The following GALNT13 variants were observed in gnomAD, a reference collection of about 807,000 sequenced individuals.
GALNT13 encodes polypeptide N-acetylgalactosaminyltransferase 13, also known as UDP-GalNAc:polypeptide N-acetylgalactosaminyltransferase 13.
A neutral mutation model predicts 64.2 loss-of-function variants in GALNT13; 28 were observed. The ratio of observed to expected loss-of-function variants is 0.44; its 90% CI spans 0.32 to 0.60. The LOEUF (loss-of-function observed/expected upper bound fraction) is 0.60, where lower values mean the gene tolerates loss of function less well. GALNT13 is among the 20% of genes least tolerant of loss of function. The pLI is 0.05. For synonymous variants in GALNT13, 214 were observed against 224.6 expected (o/e 0.95, Z 0.42); for missense variants, 577 against 669.8 (o/e 0.86, Z 1.53).
the GALNT13 span, among the ~76,000 whole-genome samples, chr2:153,179,952 A>G: frequency 6.6e-6 from 1 of 152,136 alleles, no homozygotes; most frequent in Non-Finnish European, 1.5e-5. Context: ...TTTTCTAGAT[A>G]TAAGATTATG....
intron 3 of GALNT13, among the ~76,000 whole-genome samples, chr2:154,003,546 C>T (rs1306731827): frequency 6.6e-6 from 1 of 152,126 alleles, no homozygotes; most frequent in Non-Finnish European, 1.5e-5. Context: ...TTCTATCCTG[C>T]TCTCTTGCTG....
rs369919729 is a variant in GALNT13 at position 154,287,254 on chromosome 2, C to T, written c.976-14155C>T. ...AGAAGGCAGCCATCATCTTTGCCGA[C>T]GGCAACTCCAAGACAGCAGAGCTGA... On this transcript the variant is annotated intron_variant, in intron 8 of 12. Coordinates refer to ENST00000392825, the MANE Select transcript of GALNT13 (RefSeq NM_052917.4). The T allele has an allele frequency of 1.5e-4, 132 of 895,282 alleles. 1 individual carries two copies. The South Asian group carries it at 1.5e-3, about 10-fold the overall frequency. 55.5% of individuals were successfully genotyped at this position (895,282 alleles called of 1,614,324 possible). A position where few individuals can be genotyped will look rare whatever the true frequency, so the allele number is the denominator to read the frequency against.
At chr2:153,243,284 C>A in the GALNT13 span, among the ~76,000 whole-genome samples, 1 of 152,148 alleles carries the variant, frequency 6.6e-6, no homozygotes, top group African/African-American at 2.4e-5. Context: ...GATCCAGGAT[C>A]CAGGATCCAG....
intron 3 of GALNT13, among the ~76,000 whole-genome samples, chr2:154,004,118 T>TA (rs1696094008): frequency 6.6e-6 from 1 of 152,224 alleles, no homozygotes; most frequent in Non-Finnish European, 1.5e-5. Flanking sequence ...AGACTAATTC[T>TA]AATACATTTA....
intron 9 of GALNT13, among the ~76,000 whole-genome samples, chr2:154,360,876 G>T (rs984912956): frequency 1.3e-5 from 2 of 152,050 alleles, no homozygotes; most frequent in Non-Finnish European, 2.9e-5. Context: ...AGCCAAAAAG[G>T]GTTGAGGCAT....
the GALNT13 span, among the ~76,000 whole-genome samples, chr2:153,246,347 C>T: frequency 3.3e-5 from 5 of 152,026 alleles, no homozygotes; most frequent in Non-Finnish European, 7.4e-5. Flanking sequence ...CACATAGTCA[C>T]CAGGTTCTGA....
At chr2:153,691,680 A>G in the GALNT13 span, among the ~76,000 whole-genome samples, 1 of 152,170 alleles carries the variant, frequency 6.6e-6, no homozygotes, top group African/African-American at 2.4e-5. Flanking sequence ...TCTGAAAACC[A>G]CAATATGATC....
the GALNT13 span, among the ~76,000 whole-genome samples, chr2:153,464,120 A>G: frequency 6.6e-6 from 1 of 152,094 alleles, no homozygotes. Context: ...TTAGCTGGTC[A>G]CCTGGAAGCT....
the GALNT13 span, among the ~76,000 whole-genome samples, chr2:153,509,205 A>AG: frequency 6.6e-6 from 1 of 152,228 alleles, no homozygotes; most frequent in Non-Finnish European, 1.5e-5. Context: ...GCGGGGAAAC[A>AG]GGAGCTTCCA....
the GALNT13 span, among the ~76,000 whole-genome samples, chr2:153,273,297 A>G: frequency 6.6e-6 from 1 of 152,192 alleles, no homozygotes; most frequent in South Asian, 2.1e-4. Context: ...AAAATGAACC[A>G]CTGCAAAATG....
chr2:153,228,770 G>C, the GALNT13 span, among the ~76,000 whole-genome samples: 2 of 151,402 alleles, frequency 1.3e-5, no homozygotes, highest in East Asian at 3.9e-4. Context: ...CTACTAGGGA[G>C]GCTGAGGCAG....
At chr2:153,648,012 G>T in the GALNT13 span, among the ~76,000 whole-genome samples, 3 of 152,242 alleles carry the variant, frequency 2.0e-5, no homozygotes, top group Admixed American at 2.0e-4. Context: ...GAAAGTCATT[G>T]GTAGCTTGAT....
At chr2:153,526,979 TAC>T in the GALNT13 span, among the ~76,000 whole-genome samples, 1 of 151,558 alleles carries the variant, frequency 6.6e-6, no homozygotes, top group Non-Finnish European at 1.5e-5. Context: ...TATTTGAAAA[TAC>T]ACAGTCTGAG....
At chr2:153,250,723 C>T in the GALNT13 span, among the ~76,000 whole-genome samples, 1 of 152,138 alleles carries the variant, frequency 6.6e-6, no homozygotes, top group Non-Finnish European at 1.5e-5. Context: ...GAGTTCATGT[C>T]CTTCCGGGGA....
intron 4 of GALNT13, among the ~76,000 whole-genome samples, chr2:154,204,054 T>C (rs1687309993): frequency 6.6e-6 from 1 of 152,162 alleles, no homozygotes; most frequent in Admixed American, 6.6e-5. Flanking sequence ...AAGCCCATTT[T>C]GATCCAAACA....
At chr2:154,231,417 T>C (rs1688907936) in intron 4 of GALNT13, among the ~76,000 whole-genome samples, 2 of 152,092 alleles carry the variant, frequency 1.3e-5, no homozygotes, top group African/African-American at 4.8e-5. Context: ...TTTCTATTGA[T>C]GATGTTGCTC....
At chr2:153,430,045 TGG>T in the GALNT13 span, among the ~76,000 whole-genome samples, 1 of 152,134 alleles carries the variant, frequency 6.6e-6, no homozygotes, top group African/African-American at 2.4e-5. Flanking sequence ...ACTACAATCA[TGG>T]GAACTGTGTG....
At chr2:153,687,117 T>C in the GALNT13 span, among the ~76,000 whole-genome samples, 2 of 152,060 alleles carry the variant, frequency 1.3e-5, no homozygotes, top group Non-Finnish European at 2.9e-5. Flanking sequence ...TGTGTGTGTG[T>C]GTCTCTGCCA....
At chr2:153,591,135 T>C in the GALNT13 span, among the ~76,000 whole-genome samples, 8,216 of 152,100 alleles carry the variant, frequency 0.054, 319 homozygotes, top group Non-Finnish European at 0.082. Context: ...GGATAAAAAT[T>C]GACATATAGA....
Sources: allele counts gnomAD v4.1 joint callset (sites outside exome capture counted in the v4.1 genomes callset), GRCh38; gene constraint gnomAD v4.1.1; transcripts MANE v1.5; gene names NCBI Gene and HGNC (gene_info 2026-07-23, HGNC 2026-07-21).